The following KCNH1 variants were observed in gnomAD, a reference collection of about 807,000 sequenced individuals.
The protein encoded by KCNH1 is voltage-gated delayed rectifier potassium channel KCNH1.
A neutral mutation model predicts 69.2 loss-of-function variants in KCNH1; 27 were observed. The ratio of observed to expected loss-of-function variants is 0.39; its 90% confidence interval spans 0.29 to 0.54. The LOEUF (loss-of-function observed/expected upper bound fraction) is 0.54. KCNH1 is among the 20% of genes least tolerant of loss of function. KCNH1 has a pLI of 0.68. For missense variants in KCNH1, 798 were observed against 1,261.6 expected, an observed-to-expected ratio of 0.63 and a Z score of 5.57; for synonymous variants, 456 against 487.7, an observed-to-expected ratio of 0.93 and a Z score of 0.86.
At chr1:211,083,901 A>G (rs1690905552) in intron 4 of KCNH1, among the ~76,000 whole-genome samples, 1 of 152,242 alleles carries the variant, frequency 6.6e-6, no homozygotes, top group African/African-American at 2.4e-5. Flanking sequence ...AGTTAAACAG[A>G]AAAATGTCCA....
intron 7 of KCNH1, among the ~76,000 whole-genome samples, chr1:210,906,715 G>A (rs569882687): frequency 2.6e-5 from 4 of 152,222 alleles, no homozygotes; most frequent in East Asian, 3.9e-4. Flanking sequence ...ACATTCACTC[G>A]GATTCTCTCA....
intron 7 of KCNH1, chr1:210,862,078 C>G: frequency 1.2e-6 from 1 of 853,570 alleles, no homozygotes; most frequent in Non-Finnish European, 2.1e-6. Context: ...TGTTTCTTGA[C>G]CAGGCCAATA....
intron 9 of KCNH1, among the ~76,000 whole-genome samples, chr1:210,781,148 A>G (rs1683974173): frequency 6.6e-6 from 1 of 152,182 alleles, no homozygotes; most frequent in Non-Finnish European, 1.5e-5. Flanking sequence ...TGAGAGTTAT[A>G]TTTTGTAATC....
intron 10 of KCNH1, among the ~76,000 whole-genome samples, chr1:210,687,335 T>A (rs1273030590): frequency 6.6e-6 from 1 of 152,246 alleles, no homozygotes; most frequent in African/African-American, 2.4e-5. Flanking sequence ...CCAGCCAGCG[T>A]ATTCAGGTGT....
chr1:211,081,408 G>A (rs989185309), intron 5 of KCNH1, among the ~76,000 whole-genome samples: 2 of 152,198 alleles, frequency 1.3e-5, no homozygotes, highest in Non-Finnish European at 2.9e-5. Flanking sequence ...AAGACAGTGT[G>A]GTGATTCCTC....
intron 6 of KCNH1, among the ~76,000 whole-genome samples, chr1:210,965,076 A>G (rs926110882): frequency 6.6e-6 from 1 of 152,220 alleles, no homozygotes; most frequent in Non-Finnish European, 1.5e-5. Context: ...CTGTCAGTCA[A>G]CTAGGTATTG....
chr1:211,004,018 C>T (rs1402330803), intron 6 of KCNH1, among the ~76,000 whole-genome samples: 4 of 151,880 alleles, frequency 2.6e-5, no homozygotes, highest in Non-Finnish European at 5.9e-5. Flanking sequence ...GCGTGAACCC[C>T]GGGGGACGGA....
At position 210,780,427 on chromosome 1, in the gene KCNH1, TA is replaced by T. The variant is rs1197767346; in HGVS notation, c.1916-4884del. Among the ~76,000 whole-genome samples, 3 of 151,940 alleles carry T rather than the reference TA, an allele frequency of 2.0e-5. No individual in the cohort carries two copies. In the East Asian group the frequency reaches 5.8e-4, roughly 29 times the overall value. ...TCATTATTTCTAGACCCAAACCAAT[TA>T]AAAAAAATTCATTCAGTCATTCATG... On this transcript the variant is annotated intron_variant, in intron 9 of 10. Transcript: ENST00000271751.
intron 9 of KCNH1, among the ~76,000 whole-genome samples, chr1:210,791,321 A>T (rs1322743937): frequency 6.6e-6 from 1 of 152,188 alleles, no homozygotes; most frequent in Admixed American, 6.5e-5. Flanking sequence ...TCCTCCAACC[A>T]CATGCGTGGA....
At chr1:210,968,202 A>AT (rs1558546010) in intron 6 of KCNH1, among the ~76,000 whole-genome samples, 2 of 140,230 alleles carry the variant, frequency 1.4e-5, no homozygotes, top group African/African-American at 2.7e-5. Context: ...TGAACTCATC[A>AT]TTTTTTATGG....
intron 10 of KCNH1, among the ~76,000 whole-genome samples, chr1:210,732,053 T>A (rs1163992271): frequency 6.6e-6 from 1 of 151,980 alleles, no homozygotes; most frequent in African/African-American, 2.4e-5. Flanking sequence ...CATTTAGGAA[T>A]TCATCCGATG....
chr1:210,751,188 A>G (rs561954051), intron 10 of KCNH1, among the ~76,000 whole-genome samples: 59 of 152,270 alleles, frequency 3.9e-4, no homozygotes, highest in Non-Finnish European at 6.8e-4. Flanking sequence ...AGGGTCATCT[A>G]CATAGACTGA....
chr1:210,713,717 T>G (rs796839929), intron 10 of KCNH1, among the ~76,000 whole-genome samples: 20 of 152,288 alleles, frequency 1.3e-4, no homozygotes, highest in African/African-American at 4.8e-4. Flanking sequence ...GTCCTTACAC[T>G]TCACAGCCCA....
intron 7 of KCNH1, among the ~76,000 whole-genome samples, chr1:210,856,553 G>A (rs577735515): frequency 2.0e-5 from 3 of 151,546 alleles, no homozygotes; most frequent in African/African-American, 4.8e-5. Flanking sequence ...TCATTCTCCA[G>A]CTCTGTCTCT....
chr1:211,017,087 C>A (rs1689506349), intron 6 of KCNH1, among the ~76,000 whole-genome samples: 1 of 151,892 alleles, frequency 6.6e-6, no homozygotes, highest in Non-Finnish European at 1.5e-5. Context: ...ATTTTAAAAC[C>A]CACCACACAG....
intron 7 of KCNH1, among the ~76,000 whole-genome samples, chr1:210,825,557 T>C (rs1685016467): frequency 6.6e-6 from 1 of 152,210 alleles, no homozygotes; most frequent in Non-Finnish European, 1.5e-5. Context: ...AATATCCTAG[T>C]ATTATAAAAA....
At chr1:211,086,276 C>G (rs1690950787) in intron 4 of KCNH1, among the ~76,000 whole-genome samples, 1 of 152,136 alleles carries the variant, frequency 6.6e-6, no homozygotes, top group East Asian at 1.9e-4. Context: ...TTCACAAACT[C>G]TCTTCAGTTT....
intron 6 of KCNH1, among the ~76,000 whole-genome samples, chr1:210,996,854 G>A (rs1486818738): frequency 1.3e-5 from 2 of 152,192 alleles, no homozygotes; most frequent in Admixed American, 6.5e-5. Context: ...AGCCACCGCT[G>A]TTCTACAGCC....
chr1:210,971,860 AAAG>A (rs1688518023), intron 6 of KCNH1, among the ~76,000 whole-genome samples: 1 of 152,138 alleles, frequency 6.6e-6, no homozygotes, highest in African/African-American at 2.4e-5. Flanking sequence ...CTTCATACTT[AAAG>A]AAGCTTTTAA....
Sources: allele counts gnomAD v4.1 joint callset (sites outside exome capture counted in the v4.1 genomes callset), GRCh38; gene constraint gnomAD v4.1.1; transcripts MANE v1.5; gene names NCBI Gene and HGNC (gene_info 2026-07-23, HGNC 2026-07-21).